The following NRG4 variants were observed in gnomAD, a reference collection of about 807,000 sequenced individuals.
NRG4 encodes pro-neuregulin-4, membrane-bound isoform.
Under a neutral mutation model 15.0 loss-of-function variants are expected in NRG4, and 10 were observed. The observed-to-expected ratio is 0.67, with a 90% confidence interval of 0.41 to 1.13. The LOEUF (loss-of-function observed/expected upper bound fraction) is 1.13. Among genes scored for constraint, NRG4 ranks in the 50% most tolerant of loss-of-function variants. The pLI is 0.00. For synonymous variants in NRG4, 41 were observed against 50.1 expected, an observed-to-expected ratio of 0.82 and a Z score of 0.77; for missense variants, 139 against 140.2, an observed-to-expected ratio of 0.99 and a Z score of 0.04.
At chr15:76,013,952 CCCA>C (rs937508525), upstream of NRG4, among the ~76,000 whole-genome samples, 10 of 152,178 alleles carry the variant, frequency 6.6e-5, no homozygotes, top group South Asian at 2.1e-4. Flanking sequence ...AATTTACACT[CCCA>C]CCAATAGTGT....
At chr15:75,963,777 C>CAA (rs71140188) in intron 3 of NRG4, among the ~76,000 whole-genome samples, 2,035 of 102,942 alleles carry the variant, frequency 0.02, 69 homozygotes, top group African/African-American at 0.066. Context: ...GACTCCATCT[C>CAA]AAAAAAAAAA....
intron 4 of NRG4, among the ~76,000 whole-genome samples, chr15:75,960,201 CA>C (rs1770018495): frequency 6.6e-6 from 1 of 152,104 alleles, no homozygotes; most frequent in South Asian, 2.1e-4. Context: ...CAAACTGGCA[CA>C]AGAGTGATTA....
At chr15:76,002,340 CAA>C (rs915480308) in intron 3 of NRG4, among the ~76,000 whole-genome samples, 4 of 151,448 alleles carry the variant, frequency 2.6e-5, no homozygotes, top group Non-Finnish European at 5.9e-5. Context: ...AAAGGTATAA[CAA>C]GAGATAATGA....
At chr15:75,958,619 T>G (rs567686474) in intron 4 of NRG4, among the ~76,000 whole-genome samples, 1 of 152,258 alleles carries the variant, frequency 6.6e-6, no homozygotes, top group East Asian at 1.9e-4. Context: ...ATTCAGAGAG[T>G]GTGAATTCAG....
chr15:76,033,085 C>T (rs1021031043), intron 5 of NRG4, among the ~76,000 whole-genome samples: 2 of 152,148 alleles, frequency 1.3e-5, no homozygotes, highest in African/African-American at 2.4e-5. Context: ...TATTAAAGTG[C>T]AAGTCTTAGC....
At chr15:76,038,159 C>T (rs112337812) in intron 4 of NRG4, among the ~76,000 whole-genome samples, 2 of 152,336 alleles carry the variant, frequency 1.3e-5, no homozygotes, top group African/African-American at 4.8e-5. Flanking sequence ...GACACACTGG[C>T]TTCAGGTGAG....
At chr15:75,991,224 CAACTT>C (rs2034003115) in intron 3 of NRG4, among the ~76,000 whole-genome samples, 1 of 152,122 alleles carries the variant, frequency 6.6e-6, no homozygotes, top group Non-Finnish European at 1.5e-5. Context: ...TGCAACTACT[CAACTT>C]TATTGTGTGA....
chr15:75,955,692 G>T (rs2032193008), intron 5 of NRG4, among the ~76,000 whole-genome samples: 1 of 147,130 alleles, frequency 6.8e-6, no homozygotes, highest in South Asian at 2.1e-4. Context: ...AGCTACATCA[G>T]AATTTCATAT....
intron 5 of NRG4, among the ~76,000 whole-genome samples, chr15:75,952,770 T>C (rs185862207): frequency 6.6e-6 from 1 of 152,294 alleles, no homozygotes; most frequent in East Asian, 1.9e-4. Flanking sequence ...ATGATTGTCT[T>C]TTCATGAGAT....
chr15:75,993,702 A>G (rs1323823829), intron 3 of NRG4, among the ~76,000 whole-genome samples: 1 of 152,074 alleles, frequency 6.6e-6, no homozygotes, highest in Non-Finnish European at 1.5e-5. Flanking sequence ...ACTCTCAAAA[A>G]AAAAAAAAAT....
At chr15:76,050,973 TTTTATTTATTTATTTA>T (rs376329611) in intron 4 of NRG4, among the ~76,000 whole-genome samples, 6 of 147,584 alleles carry the variant, frequency 4.1e-5, no homozygotes, top group African/African-American at 7.7e-5. Flanking sequence ...GCCTGCCTAT[TTTTATTTATTTATTTA>T]TTTATTTATT....
intron 4 of NRG4, among the ~76,000 whole-genome samples, chr15:76,045,522 C>T (rs1001896564): frequency 1.3e-5 from 2 of 151,020 alleles, no homozygotes; most frequent in African/African-American, 4.9e-5. Flanking sequence ...TTGGAAGCAA[C>T]CTAAGCATCC....
At chr15:76,023,768 A>G (rs1272237953) in intron 5 of NRG4, among the ~76,000 whole-genome samples, 11 of 152,234 alleles carry the variant, frequency 7.2e-5, no homozygotes, top group Admixed American at 1.3e-4. Flanking sequence ...GCCTGGGTCC[A>G]GGATGGGTTG....
chr15:76,010,219 T>G (rs550343357), intron 2 of NRG4, among the ~76,000 whole-genome samples: 2 of 152,254 alleles, frequency 1.3e-5, no homozygotes, highest in East Asian at 1.9e-4. Flanking sequence ...TTGGTGAATA[T>G]CTTATCTTCC....
At chr15:75,943,984 A>G (rs1250695620) in intron 5 of NRG4, among the ~76,000 whole-genome samples, 1 of 151,900 alleles carries the variant, frequency 6.6e-6, no homozygotes, top group African/African-American at 2.4e-5. Context: ...TCTTAGATAT[A>G]CAAGTTAGAA....
chr15:75,974,071 C>T (rs1427170095), intron 3 of NRG4, among the ~76,000 whole-genome samples: 2 of 151,998 alleles, frequency 1.3e-5, no homozygotes, highest in Admixed American at 6.6e-5. Flanking sequence ...TTCAGGGATT[C>T]GACTTCTTCC....
chr15:76,000,690 A>G (rs567009992), intron 3 of NRG4, among the ~76,000 whole-genome samples: 14 of 152,280 alleles, frequency 9.2e-5, no homozygotes, highest in Non-Finnish European at 2.1e-4. Flanking sequence ...ATAATTGTAT[A>G]ATTTCATACA....
At chr15:76,047,981 C>A (rs1284665325) in intron 4 of NRG4, among the ~76,000 whole-genome samples, 1 of 148,870 alleles carries the variant, frequency 6.7e-6, no homozygotes, top group African/African-American at 2.5e-5. Flanking sequence ...CATAGTGAGA[C>A]CATGTGTCCA....
chr15:76,020,312 A>T (rs1412674098), intron 5 of NRG4, among the ~76,000 whole-genome samples: 1 of 152,230 alleles, frequency 6.6e-6, no homozygotes, highest in Non-Finnish European at 1.5e-5. Flanking sequence ...ACTTTAAAGC[A>T]AAAGCTAAAA....
Sources: gnomAD v4.1 joint callset for allele counts (sites outside exome capture counted in the v4.1 genomes callset) on GRCh38, gnomAD v4.1.1 for gene constraint, MANE v1.5 for transcripts, NCBI Gene and HGNC (gene_info 2026-07-23, HGNC 2026-07-21) for gene names.